XPNPEP3: variants seen among roughly 807,000 people sequenced by gnomAD.
XPNPEP3 encodes the protein xaa-Pro aminopeptidase 3.
Under a neutral mutation model 60.0 loss-of-function variants are expected in XPNPEP3, and 41 were observed. That is an observed-to-expected ratio of 0.68 (90% CI 0.53 to 0.89). The LOEUF (loss-of-function observed/expected upper bound fraction) is 0.89, where lower values mean the gene tolerates loss of function less well. Among genes scored for constraint, XPNPEP3 ranks in the 40% least tolerant of loss-of-function variants. XPNPEP3 has a pLI of 0.00. For synonymous variants in XPNPEP3, 212 were observed against 223.2 expected (o/e 0.95, Z 0.45); for missense variants, 598 against 638.9 (o/e 0.94, Z 0.69).
intron 7 of XPNPEP3, among the ~76,000 whole-genome samples, chr22:40,916,473 G>C (rs1569031430): frequency 6.6e-6 from 1 of 152,106 alleles, no homozygotes; most frequent in Non-Finnish European, 1.5e-5. Flanking sequence ...GGCAGCAGCA[G>C]GATAGTTTTT....
chr22:40,885,493 T>C (rs983298398), intron 3 of XPNPEP3, among the ~76,000 whole-genome samples: 2 of 152,096 alleles, frequency 1.3e-5, no homozygotes, highest in African/African-American at 4.8e-5. Flanking sequence ...TCAACTGTAG[T>C]TTTTCCATAG....
chr22:40,861,435 A>G (rs759660771), intron 1 of XPNPEP3: 2 of 1,613,890 alleles, frequency 1.2e-6, no homozygotes, highest in Non-Finnish European at 1.7e-6. Context: ...TGAAGTTGTA[A>G]CAGATATGTA....
intron 4 of XPNPEP3, among the ~76,000 whole-genome samples, chr22:40,899,540 G>A (rs1427431008): frequency 1.3e-5 from 2 of 152,060 alleles, no homozygotes; most frequent in African/African-American, 2.4e-5. Context: ...ATGAAGTTGT[G>A]CCCGGGCACA....
At chr22:40,909,320 A>G (rs1042615080) in intron 6 of XPNPEP3, 85 bp downstream of exon 6, 2 of 1,040,460 alleles carry the variant, frequency 1.9e-6, no homozygotes, top group Non-Finnish European at 3.0e-6. Context: ...TCTCACCTTC[A>G]GCTTTCACAA....
intron 4 of XPNPEP3, among the ~76,000 whole-genome samples, chr22:40,896,541 C>T (rs1179345700): frequency 6.6e-6 from 1 of 151,772 alleles, no homozygotes; most frequent in Non-Finnish European, 1.5e-5. Flanking sequence ...GGACACATGC[C>T]TGTAATCCCA....
intron 4 of XPNPEP3, among the ~76,000 whole-genome samples, chr22:40,904,857 C>T (rs947935716): frequency 6.6e-6 from 1 of 151,908 alleles, no homozygotes; most frequent in Non-Finnish European, 1.5e-5. Context: ...CTCCACCTTC[C>T]GGGTACAAGT....
At chr22:40,922,163 A>G (rs1356533417) in intron 7 of XPNPEP3, among the ~76,000 whole-genome samples, 170 bp from the exon 8 acceptor site, 2 of 152,068 alleles carry the variant, frequency 1.3e-5, no homozygotes, top group Non-Finnish European at 2.9e-5. Flanking sequence ...CCTACTGAGC[A>G]CCTAGGACAT....
rs371556475 is a variant in XPNPEP3, at chr22:40,910,771, C to T, written c.969+1536C>T. 3.3e-5 allele frequency among the ~76,000 whole-genome samples: 5 copies of T among 151,894 alleles called. No individual in the cohort carries two copies. In the East Asian group the frequency reaches 9.7e-4, roughly 29 times the overall value. On this transcript the variant is annotated intron_variant, in intron 6 of 9. Coordinates refer to ENST00000357137, the MANE Select transcript of XPNPEP3 (RefSeq NM_022098.4). ...CTGTAATCCCAGCACTTTGGGAGGC[C>T]GAGGTGGGTGAATCATGAGGTCAGG...
At chr22:40,905,125 G>T (rs966008778) in intron 4 of XPNPEP3, among the ~76,000 whole-genome samples, 3 of 151,094 alleles carry the variant, frequency 2.0e-5, no homozygotes, top group African/African-American at 7.3e-5. Context: ...TGTCACCCAG[G>T]CTGGAGTGCA....
intron 3 of XPNPEP3, 95 bp from the exon 4 acceptor site, chr22:40,886,218 A>G: frequency 7.9e-7 from 1 of 1,260,906 alleles, no homozygotes. Flanking sequence ...TACAGGTTTT[A>G]TAGTTTTGAC....
chr22:40,892,292 C>G (rs1014789145), intron 4 of XPNPEP3, among the ~76,000 whole-genome samples: 14 of 152,106 alleles, frequency 9.2e-5, no homozygotes, highest in Admixed American at 7.9e-4. Context: ...TCAAGGGATT[C>G]TTCTGCCTCA....
At position 40,869,157 on chromosome 22, in the gene XPNPEP3, T is replaced by C. The variant is rs1369193073; in HGVS notation, c.181+42T>C. 5.3e-6 allele frequency: 8 copies of C among 1,517,316 alleles called. No individual in the cohort carries two copies. In the South Asian group the frequency reaches 7.9e-5, roughly 15 times the overall value. 94.0% of individuals were successfully genotyped at this position (1,517,316 alleles called of 1,614,324 possible). A position where few individuals can be genotyped will look rare whatever the true frequency, so the allele number is the denominator to read the frequency against. Reference sequence around the variant, plus strand: ...GTGCTATCTCCCCATTTAGGTTCTGTCTAGAGCAATGCTATGCAATAGAAC... The same window carrying C: ...GTGCTATCTCCCCATTTAGGTTCTGCCTAGAGCAATGCTATGCAATAGAAC... On this transcript the variant is annotated intron_variant, in intron 2 of 9. Transcript: ENST00000357137.
Position 40,928,422 on chromosome 22 carries a change from G to C in XPNPEP3, c.*1987G>C, listed in dbSNP as rs1342305137. ...GGGTTTCACCCTGTTGCCCAGGCCGGTCTCAAACTCCTGAGCTCCGGCAAT... is the reference window on the plus strand; with the variant it reads ...GGGTTTCACCCTGTTGCCCAGGCCGCTCTCAAACTCCTGAGCTCCGGCAAT... On this transcript the variant is annotated 3_prime_UTR_variant, in exon 10 of 10. Transcript: ENST00000357137. 1 of 152,172 alleles carries C rather than the reference G, an allele frequency of 6.6e-6. No individual in the cohort carries two copies. Among genetic ancestry groups the C allele is most frequent in the Admixed American group, 6.6e-5 (1 of 15,248 alleles). 9.4% of individuals were successfully genotyped at this position (152,172 alleles called of 1,614,324 possible).
intron 1 of XPNPEP3, among the ~76,000 whole-genome samples, chr22:40,857,884 T>C (rs987283554): frequency 6.6e-6 from 1 of 152,210 alleles, no homozygotes; most frequent in Admixed American, 6.5e-5. Context: ...ATATGAACAA[T>C]GTGTGAACCA....
chr22:40,860,704 G>C (rs1601484587), intron 1 of XPNPEP3: 1 of 1,043,538 alleles, frequency 9.6e-7, no homozygotes, highest in South Asian at 1.6e-5. Context: ...CCAAGCTGGA[G>C]TGCAGTGGCG....
Position 40,860,721 on chromosome 22 carries a change from C to G in XPNPEP3, c.64+3476C>G, listed in dbSNP as rs141950713. The G allele has an allele frequency of 1.3e-4, 116 of 901,362 alleles. No homozygotes were observed. In the African/African-American group the frequency reaches 1.7e-3, roughly 13 times the overall value. The allele number at this position is 901,362 out of a possible 1,614,324, so 55.8% of individuals were successfully genotyped here. A position where few individuals can be genotyped will look rare whatever the true frequency, so the allele number is the denominator to read the frequency against. On this transcript the variant is annotated intron_variant, in intron 1 of 9. Transcript: ENST00000357137. ...AAGCTGGAGTGCAGTGGCGTGATCC[C>G]ATTACACTGCAACCTATGTCTTCCA...
chr22:40,888,636 CTTTT>C (rs1252582018), intron 4 of XPNPEP3, among the ~76,000 whole-genome samples: 1 of 143,176 alleles, frequency 7.0e-6, no homozygotes, highest in Non-Finnish European at 1.5e-5. Context: ...TGGTTTCTAT[CTTTT>C]TTTTTTTTTT....
At chr22:40,866,814 G>T (rs1042621067) in intron 1 of XPNPEP3, among the ~76,000 whole-genome samples, 1 of 152,162 alleles carries the variant, frequency 6.6e-6, no homozygotes, top group African/African-American at 2.4e-5. Flanking sequence ...CTGTTAAAGT[G>T]TTACTTGTTT....
At chr22:40,896,138 C>T (rs756693816) in intron 4 of XPNPEP3, among the ~76,000 whole-genome samples, 1 of 152,140 alleles carries the variant, frequency 6.6e-6, no homozygotes, top group Non-Finnish European at 1.5e-5. Context: ...AGTTTAATGA[C>T]AGGCAGTTGT....
Sources: gnomAD v4.1 joint callset for allele counts (sites outside exome capture counted in the v4.1 genomes callset) on GRCh38, gnomAD v4.1.1 for gene constraint, MANE v1.5 for transcripts, NCBI Gene and HGNC (gene_info 2026-07-23, HGNC 2026-07-21) for gene names.